Variants in PNLIPRP1 observed in about 807,000 individuals in gnomAD.
PNLIPRP1 encodes pancreatic lipase related protein 1.
PNLIPRP1 carries 57 observed loss-of-function variants against 54.6 expected under a neutral mutation model. The ratio of observed to expected loss-of-function variants is 1.04; its 90% CI spans 0.84 to 1.30. PNLIPRP1 has a LOEUF of 1.30. Ranked by LOEUF, PNLIPRP1 falls within the 50% of genes most tolerant of loss-of-function variation. PNLIPRP1 has a pLI of 0.00. For synonymous variants in PNLIPRP1, 232 were observed against 208.8 expected (o/e 1.11, Z -0.96); for missense variants, 567 against 568.5 (o/e 1.00, Z 0.03).
At position 116,596,198 on chromosome 10, in the gene PNLIPRP1, A is replaced by C. The variant is rs782345238; in HGVS notation, c.466-16A>C. ...ACAGCAAAAAATGTCCTGAAAATAC[A>C]ATCTTCCCTCTCCAGACAGAGTATA... On this transcript the variant is annotated splice_polypyrimidine_tract_variant and intron_variant, in intron 5 of 12. Transcript: ENST00000358834. 14 of 1,540,468 alleles carry C rather than the reference A, an allele frequency of 9.1e-6. No individual in the cohort carries two copies. Among genetic ancestry groups the C allele is most frequent in the African/African-American group, 4.1e-5 (3 of 73,302 alleles).
At chr10:116,600,208 G>A (rs782422123) in intron 9 of PNLIPRP1, 43 bp downstream of exon 9, 7 of 1,249,616 alleles carry the variant, frequency 5.6e-6, no homozygotes, top group Non-Finnish European at 8.3e-6. Context: ...TCACCCCTCT[G>A]AGGGACTGCT....
At chr10:116,608,972 C>G (rs1554865911) in intron 12 of PNLIPRP1, 81 bp from the exon 13 acceptor site, 5 of 1,153,220 alleles carry the variant, frequency 4.3e-6, no homozygotes, top group Non-Finnish European at 6.6e-6. Context: ...CAAACCAAAC[C>G]AAACCAAACC....
At chr10:116,599,946 A>C in intron 8 of PNLIPRP1, 101 bp from the exon 9 acceptor site, 1 of 740,716 alleles carries the variant, frequency 1.4e-6, no homozygotes, top group South Asian at 1.7e-5. Flanking sequence ...AGTTTCTGAA[A>C]ATACGGTCCT....
At chr10:116,596,344 C>G in intron 6 of PNLIPRP1, 22 bp downstream of exon 6, 1 of 1,468,818 alleles carries the variant, frequency 6.8e-7, no homozygotes, top group Non-Finnish European at 9.5e-7. Flanking sequence ...GAGGCAGGGC[C>G]CCAGTTTTGT....
At chr10:116,594,263 G>A in intron 4 of PNLIPRP1, 1 of 481,746 alleles carries the variant, frequency 2.1e-6, no homozygotes, top group Non-Finnish European at 4.2e-6. Flanking sequence ...ACTCCATGAA[G>A]TACTGTGTCA....
intron 5 of PNLIPRP1, 70 bp downstream of exon 5, chr10:116,594,934 G>A: frequency 2.6e-6 from 4 of 1,547,702 alleles, no homozygotes; most frequent in African/African-American, 1.4e-5. Flanking sequence ...TAGAGATGCA[G>A]CTGAGAGTTA....
chr10:116,599,298 A>AAATAAAATAAAATAAAATAAAATAAAAT (rs1554864444), intron 8 of PNLIPRP1, among the ~76,000 whole-genome samples: 3 of 142,032 alleles, frequency 2.1e-5, no homozygotes, highest in African/African-American at 5.0e-5. Flanking sequence ...AAATAAAATA[A>AAATAAAATAAAATAAAATAAAATAAAAT]AAAATAAAGA....
chr10:116,608,977 C>A, intron 12 of PNLIPRP1, 76 bp from the exon 13 acceptor site: 2 of 1,123,062 alleles, frequency 1.8e-6, no homozygotes, highest in Non-Finnish European at 2.6e-6. Context: ...CAAACCAAAC[C>A]AAACCAAAAC....
chr10:116,598,198 C>A, intron 8 of PNLIPRP1, 32 bp downstream of exon 8: 2 of 1,594,710 alleles, frequency 1.3e-6, no homozygotes, highest in South Asian at 2.3e-5. Context: ...GGGAGCAGGG[C>A]GGGTACTTTC....
At chr10:116,596,039 GAA>G (rs1847729117) in intron 5 of PNLIPRP1, 173 bp from the exon 6 acceptor site, 1 of 613,298 alleles carries the variant, frequency 1.6e-6, no homozygotes, top group African/African-American at 1.8e-5. Flanking sequence ...GAAGAGTCTA[GAA>G]AAATAGATGA....
intron 10 of PNLIPRP1, among the ~76,000 whole-genome samples, chr10:116,603,548 T>C (rs1554865111): frequency 6.6e-6 from 1 of 152,230 alleles, no homozygotes; most frequent in Non-Finnish European, 1.5e-5. Context: ...TACTGCTAAA[T>C]ACATACTTCT....
In PNLIPRP1 at chr10:116,594,689, C is replaced by T. The variant is rs782799297; in HGVS notation, c.331-41C>T. Reference sequence around the variant, plus strand: ...CCCTGGCTGGATAAGGTTTCCCCTGCTCCCATTATCTCCCCAACCCCACTA... The same window carrying T: ...CCCTGGCTGGATAAGGTTTCCCCTGTTCCCATTATCTCCCCAACCCCACTA... On this transcript the variant is annotated intron_variant, in intron 4 of 12. Transcript: ENST00000358834. The T allele has an allele frequency of 7.4e-6, 12 of 1,612,320 alleles. No individual in the cohort carries two copies. In the South Asian group the frequency reaches 1.1e-4, roughly 15 times the overall value.
rs377736524 is a variant in PNLIPRP1 at position 116,605,557 on chromosome 10, T to C, written c.1340+4T>C. The C allele has an allele frequency of 7.8e-6, 12 of 1,532,642 alleles. No individual in the cohort carries two copies. The African/African-American group carries it at 1.6e-4, about 21-fold the overall frequency. 94.9% of individuals were successfully genotyped at this position (1,532,642 alleles called of 1,614,324 possible). On this transcript the variant is annotated splice_donor_region_variant and intron_variant, in intron 12 of 12. Coordinates refer to ENST00000358834, the MANE Select transcript of PNLIPRP1 (RefSeq NM_006229.4). ...AAAAGGGAGAAGAGAAGACAGTGTATGTATCTTTGCTGGCTGGTGCCTAAA... is the reference window on the plus strand; with the variant it reads ...AAAAGGGAGAAGAGAAGACAGTGTACGTATCTTTGCTGGCTGGTGCCTAAA...
At chr10:116,591,730 T>C (rs1365554974) in intron 2 of PNLIPRP1, 41 bp from the exon 3 acceptor site, 3 of 1,609,036 alleles carry the variant, frequency 1.9e-6, no homozygotes, top group African/African-American at 1.3e-5. Context: ...AGAGCACACC[T>C]TGAGAGCAAA....
At chr10:116,595,683 T>C (rs1554863848) in intron 5 of PNLIPRP1, 1 of 153,216 alleles carries the variant, frequency 6.5e-6, no homozygotes, top group Non-Finnish European at 1.5e-5. Context: ...CAGGAGTATG[T>C]GAGGAAGTAA....
At chr10:116,606,658 G>A (rs1405289928) in intron 12 of PNLIPRP1, among the ~76,000 whole-genome samples, 2 of 152,158 alleles carry the variant, frequency 1.3e-5, no homozygotes, top group African/African-American at 4.8e-5. Context: ...CCCAGGAGAT[G>A]ACTTGCTCAC....
At chr10:116,604,339 T>C (rs1847899890) in intron 11 of PNLIPRP1, among the ~76,000 whole-genome samples, 1 of 152,222 alleles carries the variant, frequency 6.6e-6, no homozygotes. Context: ...TTTACTGTAC[T>C]TTTTCTATGT....
intron 4 of PNLIPRP1, 92 bp downstream of exon 4, chr10:116,592,633 T>A: frequency 6.9e-7 from 1 of 1,458,842 alleles, no homozygotes; most frequent in Non-Finnish European, 9.6e-7. Flanking sequence ...AATCTTTACA[T>A]ATTAGGTAAC....
chr10:116,600,950 C>A, intron 9 of PNLIPRP1, 122 bp from the exon 10 acceptor site: 2 of 842,534 alleles, frequency 2.4e-6, no homozygotes, highest in Non-Finnish European at 3.7e-6. Context: ...TCTGCTCCAA[C>A]CCCTTTGTTG....
Sources: gnomAD v4.1 joint callset for allele counts (sites outside exome capture counted in the v4.1 genomes callset) on GRCh38, gnomAD v4.1.1 for gene constraint, MANE v1.5 for transcripts, NCBI Gene and HGNC (gene_info 2026-07-23, HGNC 2026-07-21) for gene names.